Variants in SBSPON observed in about 807,000 individuals in gnomAD.
SBSPON encodes the protein somatomedin-B and thrombospondin type-1 domain-containing protein.
A neutral mutation model predicts 35.8 loss-of-function variants in SBSPON; 30 were observed. The ratio of observed to expected loss-of-function variants is 0.84; its 90% CI spans 0.63 to 1.14. The LOEUF is 1.14. Among genes scored for constraint, SBSPON ranks in the 50% most tolerant of loss-of-function variants. SBSPON has a pLI of 0.00. For missense variants in SBSPON, 364 were observed against 357.7 expected (o/e 1.02, Z -0.14); for synonymous variants, 136 against 135.9 (o/e 1.00, Z 0.00).
intron 1 of SBSPON, among the ~76,000 whole-genome samples, chr8:73,082,074 A>G (rs181717580): frequency 2.0e-4 from 31 of 152,354 alleles, no homozygotes; most frequent in Middle Eastern, 3.4e-3. Context: ...CTGATGGACA[A>G]CTAAAGCCAT....
In SBSPON at chr8:73,066,700, A is replaced by G. The variant is rs1167117873; in HGVS notation, c.*641T>C. ...TTAAAAGAACTCCCATTGACCTACA[A>G]TGAGCATTTGATCCTTTCACTTCTT... On this transcript the variant is annotated 3_prime_UTR_variant, in exon 5 of 5. Coordinates refer to ENST00000297354, the MANE Select transcript of SBSPON (RefSeq NM_153225.4). 6.6e-6 allele frequency: 1 copy of G among 152,174 alleles called. No individual in the cohort carries two copies. Among genetic ancestry groups the G allele is most frequent in the African/African-American group, 2.4e-5 (1 of 41,448 alleles). 9.4% of individuals were successfully genotyped at this position (152,174 alleles called of 1,614,324 possible).
intron 1 of SBSPON, among the ~76,000 whole-genome samples, chr8:73,091,259 TTACTTCC>T (rs1316017047): frequency 3.9e-5 from 6 of 152,226 alleles, no homozygotes; most frequent in African/African-American, 1.4e-4. Flanking sequence ...GGCTCGCCCA[TTACTTCC>T]TCAGGTGAGT....
At chr8:73,091,442 G>A (rs557190437) in intron 1 of SBSPON, among the ~76,000 whole-genome samples, 54 of 152,282 alleles carry the variant, frequency 3.5e-4, no homozygotes, top group African/African-American at 1.2e-3. Flanking sequence ...CTATCCCTGC[G>A]CTTACCACAG....
At chr8:73,080,590 T>C (rs1032182776) in intron 2 of SBSPON, among the ~76,000 whole-genome samples, 5 of 152,178 alleles carry the variant, frequency 3.3e-5, no homozygotes, top group African/African-American at 1.2e-4. Flanking sequence ...TTTTTCCACA[T>C]GCGTGAGTGT....
intron 1 of SBSPON, among the ~76,000 whole-genome samples, chr8:73,091,930 T>C (rs1183139498): frequency 6.6e-6 from 1 of 152,190 alleles, no homozygotes; most frequent in Admixed American, 6.5e-5. Flanking sequence ...CATGTCGGGA[T>C]CCTTCAGCTC....
In SBSPON at chr8:73,071,845, T is replaced by C. The variant is rs575296920; in HGVS notation, c.435A>G (p.Ala145=). ...CTTGTCGTGTTCTCTCCTTGTTGAA[T>C]GCAGAGGTAGTTATAAAGGCAGGAA... The part of the protein sequence containing the change: ...TYVPAFITTS[A]FNKERTRQAT... The change falls in exon 3 of 5, where the codon GCA becomes GCG. Residue 145 remains alanine, a synonymous_variant. Transcript: ENST00000297354. 8.1e-6 allele frequency: 13 copies of C among 1,610,102 alleles called. 1 individual carries two copies. The South Asian group carries it at 1.4e-4, about 18-fold the overall frequency.
At chr8:73,092,824 C>A (rs374446904) in intron 1 of SBSPON, 30 bp downstream of exon 1, 2 of 1,574,468 alleles carry the variant, frequency 1.3e-6, no homozygotes, top group African/African-American at 2.7e-5. Context: ...GGCTAACGGC[C>A]GGCGCCCCAC....
Position 73,066,571 on chromosome 8 carries a change from G to T in SBSPON, c.*770C>A, listed in dbSNP as rs573486923. On this transcript the variant is annotated 3_prime_UTR_variant, in exon 5 of 5. Transcript: ENST00000297354. ...TATTTTATTCAGCTTCAGGCTTTAAGCCTTGGAAATAATCTTAGATGCAAA... is the reference window on the plus strand; with the variant it reads ...TATTTTATTCAGCTTCAGGCTTTAATCCTTGGAAATAATCTTAGATGCAAA... The T allele has an allele frequency of 6.6e-6, 1 of 152,140 alleles. No homozygotes were observed. Among genetic ancestry groups the T allele is most frequent in the Non-Finnish European group, 1.5e-5 (1 of 68,018 alleles). 9.4% of individuals were successfully genotyped at this position (152,140 alleles called of 1,614,324 possible).
chr8:73,069,796 C>T lies in SBSPON; in HGVS notation c.677+9G>A, dbSNP rs1810457726. 1.2e-6 allele frequency: 2 copies of T among 1,610,768 alleles called. No homozygotes were observed. The highest frequency in any genetic ancestry group is 1.7e-5 in the Admixed American group (1 of 59,962). On this transcript the variant is annotated intron_variant, in intron 4 of 4. Transcript: ENST00000297354. ...CAAGAAAAGTACTTCAGTTAATTTCCATTCTTACCCATCGGAGTCCAGGCC... is the reference window on the plus strand; with the variant it reads ...CAAGAAAAGTACTTCAGTTAATTTCTATTCTTACCCATCGGAGTCCAGGCC...
chr8:73,080,109 G>A lies in SBSPON; in HGVS notation c.409+910C>T, dbSNP rs79520948. On this transcript the variant is annotated intron_variant, in intron 2 of 4. Coordinates refer to ENST00000297354, the MANE Select transcript of SBSPON (RefSeq NM_153225.4). ...TGTATGGTCTCTGGCTCATTAATGA[G>A]CCGATTCCTGGCCCCTCCATTGGCC... Among the ~76,000 whole-genome samples, 1,218 of 152,178 alleles carry A rather than the reference G, an allele frequency of 8.0e-3. 16 individuals are homozygous for A. The highest frequency in any genetic ancestry group is 0.027 in the African/African-American group (1,139 of 41,514).
chr8:73,092,833 ACT>A lies in SBSPON; in HGVS notation c.214+19_214+20del. 6.3e-7 allele frequency: 1 copy of A among 1,592,584 alleles called. No individual in the cohort carries two copies. The highest frequency in any genetic ancestry group is 2.3e-5 in the East Asian group (1 of 43,858). On this transcript the variant is annotated intron_variant, in intron 1 of 4. Transcript: ENST00000297354. ...GTTGCAGGCTAACGGCCGGCGCCCC[ACT>A]CTCGGCCTGACCACCCACCTGGGCA...
rs1244179423 is a variant in SBSPON at position 73,065,816 on chromosome 8, C to G, written c.*1525G>C. 2.6e-5 allele frequency: 4 copies of G among 151,996 alleles called. No individual in the cohort carries two copies. Among genetic ancestry groups the G allele is most frequent in the Non-Finnish European group, 5.9e-5 (4 of 67,974 alleles). 9.4% of individuals were successfully genotyped at this position (151,996 alleles called of 1,614,324 possible). A position where few individuals can be genotyped will look rare whatever the true frequency, so the allele number is the denominator to read the frequency against. On this transcript the variant is annotated 3_prime_UTR_variant, in exon 5 of 5. Coordinates refer to ENST00000297354, the MANE Select transcript of SBSPON (RefSeq NM_153225.4). ...ACTTTTAAGTAACATTGGAAATTAC[C>G]CAGACATAGCTTCAAAAATCTAGCT... is the stretch of plus-strand genomic sequence containing the variant.
intron 1 of SBSPON, 135 bp downstream of exon 1, chr8:73,092,719 T>G (rs999161205): frequency 1.6e-6 from 1 of 637,784 alleles, no homozygotes. Context: ...TGGATGGCGG[T>G]GGTGGGGATG....
At chr8:73,075,768 G>T in intron 2 of SBSPON, 1 of 956,472 alleles carries the variant, frequency 1.0e-6, no homozygotes, top group Non-Finnish European at 1.2e-6. Flanking sequence ...AGAGTAAAAT[G>T]AAAAATTGAC....
At chr8:73,088,095 C>T (rs1260630156) in intron 1 of SBSPON, among the ~76,000 whole-genome samples, 2 of 152,150 alleles carry the variant, frequency 1.3e-5, no homozygotes, top group Admixed American at 6.5e-5. Context: ...AAGGAGATTT[C>T]CTGAGATCAT....
In SBSPON at chr8:73,069,990, A is replaced by G. The variant is rs768003177; in HGVS notation, c.501-9T>C. ...TAAACTCCATACAGTATCTACAGCA[A>G]AAGAAGTAACAATGACACTTGCTGT... On this transcript the variant is annotated splice_polypyrimidine_tract_variant and intron_variant, in intron 3 of 4. Transcript: ENST00000297354. 5.9e-6 allele frequency: 9 copies of G among 1,535,262 alleles called. No homozygotes were observed. The Admixed American group carries it at 7.9e-5, about 14-fold the overall frequency.
intron 1 of SBSPON, among the ~76,000 whole-genome samples, chr8:73,084,075 T>TA (rs916197900): frequency 2.0e-5 from 3 of 151,892 alleles, no homozygotes; most frequent in Non-Finnish European, 2.9e-5. Context: ...AGACAGAAAA[T>TA]AAAAAAAGCT....
chr8:73,079,844 A>T (rs149512150), intron 2 of SBSPON, among the ~76,000 whole-genome samples: 2 of 152,082 alleles, frequency 1.3e-5, no homozygotes, highest in African/African-American at 4.8e-5. Flanking sequence ...TTTTCTCCAC[A>T]TCAACCATCG....
intron 4 of SBSPON, among the ~76,000 whole-genome samples, chr8:73,069,191 C>A (rs986482263): frequency 6.6e-6 from 1 of 152,166 alleles, no homozygotes; most frequent in African/African-American, 2.4e-5. Context: ...ATCTCCATCT[C>A]ACGAGATTCT....
Sources: gnomAD v4.1 joint callset for allele counts (sites outside exome capture counted in the v4.1 genomes callset) on GRCh38, gnomAD v4.1.1 for gene constraint, MANE v1.5 for transcripts, NCBI Gene and HGNC (gene_info 2026-07-23, HGNC 2026-07-21) for gene names.